The following CLIP2 variants were observed in gnomAD, a reference collection of about 807,000 sequenced individuals.
The protein encoded by CLIP2 is CAP-Gly domain containing linker protein 2.
In CLIP2, 41 loss-of-function variants were observed where a neutral mutation model predicts 111.7. That is an observed-to-expected ratio of 0.37 (90% CI 0.29 to 0.48). CLIP2 has a LOEUF of 0.48. Among genes scored for constraint, CLIP2 ranks in the 20% least tolerant of loss-of-function variants. The pLI is 0.99. For missense variants in CLIP2, 1,160 were observed against 1,422.1 expected, an observed-to-expected ratio of 0.82 and a Z score of 2.96; for synonymous variants, 660 against 644.2, an observed-to-expected ratio of 1.02 and a Z score of -0.37.
chr7:74,334,460 A>G (rs564152760), intron 2 of CLIP2, among the ~76,000 whole-genome samples: 1 of 152,250 alleles, frequency 6.6e-6, no homozygotes, highest in East Asian at 1.9e-4. Context: ...ACAGCTGAGC[A>G]GGCAGCTTCT....
chr7:74,331,034 G>C (rs1250279937), intron 2 of CLIP2, among the ~76,000 whole-genome samples: 1 of 151,238 alleles, frequency 6.6e-6, no homozygotes, highest in African/African-American at 2.4e-5. Flanking sequence ...GCAAAACCCC[G>C]TCTCTACCAA....
intron 2 of CLIP2, among the ~76,000 whole-genome samples, chr7:74,332,498 A>T (rs537883): frequency 2.2e-5 from 3 of 136,578 alleles, no homozygotes; most frequent in Admixed American, 1.6e-4. Flanking sequence ...GGGTCTTGCT[A>T]TGTTGTCCAG....
intron 1 of CLIP2, among the ~76,000 whole-genome samples, chr7:74,317,126 CAAAT>C (rs1436455864): frequency 6.6e-6 from 1 of 152,120 alleles, no homozygotes; most frequent in Admixed American, 6.6e-5. Context: ...TTTCTGCAAC[CAAAT>C]AAATAAAGAC....
chr7:74,332,840 C>G lies in CLIP2; in HGVS notation c.122-5608C>G, dbSNP rs576804414. Among the ~76,000 whole-genome samples the G allele has an allele frequency of 5.1e-4, 78 of 152,302 alleles. 4 individuals carry two copies. In the South Asian group the frequency reaches 0.015, roughly 30 times the overall value. ...CCCCACTCCACCCCCTTGCCGGGCC[C>G]CGTTTGGCCATGCCTCTTGTCCAGT... is the stretch of plus-strand genomic sequence containing the variant. On this transcript the variant is annotated intron_variant, in intron 2 of 16. Transcript: ENST00000223398.
At chr7:74,332,646 G>A (rs2116541985) in intron 2 of CLIP2, among the ~76,000 whole-genome samples, 1 of 152,106 alleles carries the variant, frequency 6.6e-6, no homozygotes, top group Admixed American at 6.6e-5. Flanking sequence ...TCTCTGAGGA[G>A]GTGAGGGAGC....
intron 2 of CLIP2, among the ~76,000 whole-genome samples, chr7:74,331,674 A>G (rs1554731327): frequency 6.8e-6 from 1 of 147,424 alleles, no homozygotes. Flanking sequence ...CCTGGGTCCA[A>G]GTGATTCTCC....
intron 1 of CLIP2, among the ~76,000 whole-genome samples, chr7:74,300,621 A>G (rs1232822825): frequency 1.3e-5 from 2 of 151,740 alleles, no homozygotes; most frequent in African/African-American, 2.4e-5. Flanking sequence ...ACGCCCGGCT[A>G]ATTTTTTTAT....
At chr7:74,291,857 G>C (rs555672131) in intron 1 of CLIP2, among the ~76,000 whole-genome samples, 65 of 151,754 alleles carry the variant, frequency 4.3e-4, no homozygotes, top group Admixed American at 8.5e-4. Flanking sequence ...CTGCCCACGT[G>C]TGGTCCCCCA....
chr7:74,394,245 A>ATT (rs56651501), intron 13 of CLIP2, among the ~76,000 whole-genome samples: 250 of 117,278 alleles, frequency 2.1e-3, no homozygotes, highest in Non-Finnish European at 2.6e-3. Flanking sequence ...TTTTCTTCTT[A>ATT]TTTTTTTTTT....
chr7:74,334,322 GGGCTCGT>G (rs1418127124), intron 2 of CLIP2, among the ~76,000 whole-genome samples: 1 of 152,170 alleles, frequency 6.6e-6, no homozygotes, highest in Admixed American at 6.6e-5. Flanking sequence ...CAGTTGCCAT[GGGCTCGT>G]GGCTTGGATT....
At chr7:74,402,922 G>C (rs1791660517) in intron 16 of CLIP2, among the ~76,000 whole-genome samples, 1 of 152,006 alleles carries the variant, frequency 6.6e-6, no homozygotes, top group African/African-American at 2.4e-5. Context: ...TCACAGATGT[G>C]AAAACTGTCC....
chr7:74,390,197 GA>G (rs1480947060), intron 13 of CLIP2, among the ~76,000 whole-genome samples: 1 of 137,356 alleles, frequency 7.3e-6, no homozygotes, highest in Non-Finnish European at 1.7e-5. Context: ...AAGAAAGAAA[GA>G]AAGAAAGAAA....
chr7:74,343,592 C>T (rs1789720300), intron 3 of CLIP2, among the ~76,000 whole-genome samples: 1 of 151,988 alleles, frequency 6.6e-6, no homozygotes, highest in South Asian at 2.1e-4. Context: ...TTATGGAGAG[C>T]ATTAAGAGAG....
intron 8 of CLIP2, among the ~76,000 whole-genome samples, chr7:74,364,548 G>A (rs1360622511): frequency 2.6e-5 from 4 of 152,154 alleles, no homozygotes; most frequent in South Asian, 2.1e-4. Context: ...TGGGCAGGAC[G>A]AACCCAGGGC....
chr7:74,347,026 G>A (rs536267919), intron 3 of CLIP2, among the ~76,000 whole-genome samples: 139 of 152,160 alleles, frequency 9.1e-4, no homozygotes, highest in Middle Eastern at 3.4e-3. Context: ...GTGACAGAGG[G>A]AGACCCTACC....
intron 1 of CLIP2, among the ~76,000 whole-genome samples, chr7:74,312,086 A>G (rs1254997391): frequency 3.3e-5 from 5 of 152,006 alleles, no homozygotes; most frequent in African/African-American, 1.2e-4. Context: ...TCTCTACTAA[A>G]AATACAAAAA....
At chr7:74,377,825 T>TA (rs1202042192) in intron 10 of CLIP2, among the ~76,000 whole-genome samples, 1 of 150,166 alleles carries the variant, frequency 6.7e-6, no homozygotes, top group African/African-American at 2.4e-5. Flanking sequence ...TTCCCCCACA[T>TA]ACATTTTTTT....
At chr7:74,370,597 T>TC (rs1243939173) in intron 8 of CLIP2, among the ~76,000 whole-genome samples, 4 of 13,474 alleles carry the variant, frequency 3.0e-4, no homozygotes, top group Admixed American at 1.9e-3. Flanking sequence ...GGCCCAACCC[T>TC]CCCCCCCACC....
chr7:74,373,928 T>C (rs993296471), intron 9 of CLIP2, among the ~76,000 whole-genome samples: 1 of 152,022 alleles, frequency 6.6e-6, no homozygotes, highest in Non-Finnish European at 1.5e-5. Flanking sequence ...GGTGTTATAA[T>C]GGGTCCTGGA....
Sources: gnomAD v4.1 joint callset for allele counts (sites outside exome capture counted in the v4.1 genomes callset) on GRCh38, gnomAD v4.1.1 for gene constraint, MANE v1.5 for transcripts, NCBI Gene and HGNC (gene_info 2026-07-23, HGNC 2026-07-21) for gene names.